Variants in DCC observed in about 807,000 individuals in gnomAD.
DCC encodes netrin receptor DCC.
In DCC, 58 loss-of-function variants were observed where a neutral mutation model predicts 172.5. The ratio of observed to expected loss-of-function variants is 0.34; its 90% CI spans 0.27 to 0.42. The LOEUF (loss-of-function observed/expected upper bound fraction) is 0.42. DCC is among the 10% of genes least tolerant of loss of function. The pLI, the probability that DCC is intolerant of heterozygous loss-of-function variation, is 1.00. For missense variants in DCC, 1,740 were observed against 1,791.0 expected, an observed-to-expected ratio of 0.97 and a Z score of 0.51; for synonymous variants, 709 against 644.5, an observed-to-expected ratio of 1.10 and a Z score of -1.52.
chr18:53,520,642 G>A (rs1208006110), intron 27 of DCC, among the ~76,000 whole-genome samples: 1 of 151,372 alleles, frequency 6.6e-6, no homozygotes, highest in Non-Finnish European at 1.5e-5. Flanking sequence ...GCACAAGCTT[G>A]AAATATTGAA....
intron 12 of DCC, among the ~76,000 whole-genome samples, chr18:53,251,975 T>G (rs1466742494): frequency 6.6e-6 from 1 of 151,932 alleles, no homozygotes; most frequent in African/African-American, 2.4e-5. Flanking sequence ...CCCACTGGGC[T>G]GGATCTAGAA....
chr18:53,084,944 G>A lies in DCC; in HGVS notation c.1261+18778G>A, dbSNP rs138491851. Reference sequence around the variant, plus strand: ...TAGTGATTTTTAAAATTATATCTAGGACTATCATTGCCAAGGGACTTTGTC... The same window carrying A: ...TAGTGATTTTTAAAATTATATCTAGAACTATCATTGCCAAGGGACTTTGTC... On this transcript the variant is annotated intron_variant, in intron 7 of 28. Transcript: ENST00000442544. Among the ~76,000 whole-genome samples the A allele has an allele frequency of 1.5e-3, 231 of 152,204 alleles. 1 individual carries two copies. The highest frequency in any genetic ancestry group is 5.3e-3 in the African/African-American group (221 of 41,530).
At chr18:52,966,150 C>A (rs1344189457) in intron 5 of DCC, among the ~76,000 whole-genome samples, 1 of 152,112 alleles carries the variant, frequency 6.6e-6, no homozygotes, top group Non-Finnish European at 1.5e-5. Flanking sequence ...TAACCTTTTT[C>A]CCTTGCTATT....
intron 12 of DCC, among the ~76,000 whole-genome samples, chr18:53,225,646 CAG>C (rs1273401180): frequency 6.6e-6 from 1 of 152,060 alleles, no homozygotes; most frequent in Non-Finnish European, 1.5e-5. Context: ...GATTTCAAAA[CAG>C]GGAAAAAGGT....
intron 1 of DCC, among the ~76,000 whole-genome samples, chr18:52,640,675 A>G (rs1449140605): frequency 6.6e-6 from 1 of 152,120 alleles, no homozygotes; most frequent in African/African-American, 2.4e-5. Flanking sequence ...AAAGACCTCT[A>G]CAAGGAAAAC....
intron 1 of DCC, among the ~76,000 whole-genome samples, chr18:52,598,849 T>C (rs909080302): frequency 5.9e-5 from 9 of 152,184 alleles, no homozygotes; most frequent in Admixed American, 2.6e-4. Flanking sequence ...AGGGCTGTTC[T>C]CTGCTTCCAA....
chr18:52,686,778 C>G (rs758394698), intron 1 of DCC, among the ~76,000 whole-genome samples: 44 of 152,106 alleles, frequency 2.9e-4, no homozygotes, highest in Admixed American at 1.2e-3. Context: ...GATAAATCAA[C>G]TAGTATCCAG....
intron 2 of DCC, among the ~76,000 whole-genome samples, chr18:52,791,788 G>C (rs1188724916): frequency 6.6e-6 from 1 of 152,102 alleles, no homozygotes; most frequent in Non-Finnish European, 1.5e-5. Flanking sequence ...TCGTGTTAAA[G>C]CATCTACCCT....
At chr18:52,646,692 T>C (rs12455214) in intron 1 of DCC, among the ~76,000 whole-genome samples, 19,045 of 152,224 alleles carry the variant, frequency 0.13, 1,401 homozygotes, top group Admixed American at 0.2. Context: ...AAGAGGTACA[T>C]AGGACAGGGT....
intron 22 of DCC, among the ~76,000 whole-genome samples, chr18:53,445,098 G>C (rs1383411504): frequency 2.0e-5 from 3 of 152,146 alleles, no homozygotes; most frequent in Admixed American, 1.3e-4. Flanking sequence ...CCAAGGAACT[G>C]TACCCCCATA....
At chr18:53,364,154 A>T (rs1363977703) in intron 15 of DCC, among the ~76,000 whole-genome samples, 3 of 152,144 alleles carry the variant, frequency 2.0e-5, no homozygotes, top group African/African-American at 7.2e-5. Flanking sequence ...TAAAAATTGT[A>T]ACCTAGTATC....
At chr18:53,243,870 T>C (rs778798050) in intron 12 of DCC, among the ~76,000 whole-genome samples, 3 of 152,198 alleles carry the variant, frequency 2.0e-5, no homozygotes, top group South Asian at 2.1e-4. Context: ...AAATATTTTA[T>C]AAACTCAACA....
rs142250394 is a variant in DCC, at chr18:53,447,670, A to G, written c.3230-2830A>G. ...GAATTGTTAAATTTAAGTCATGCTT[A>G]TAAAAATCTATGAGATCCCTAACTA... is the stretch of plus-strand genomic sequence containing the variant. On this transcript the variant is annotated intron_variant, in intron 22 of 28. Transcript: ENST00000442544. Among the ~76,000 whole-genome samples the G allele has an allele frequency of 9.6e-3, 1,460 of 152,330 alleles. 25 individuals carry two copies. The highest frequency in any genetic ancestry group is 0.027 in the Admixed American group (416 of 15,294).
chr18:52,449,866 C>T (rs1229678361), intron 1 of DCC, among the ~76,000 whole-genome samples: 1 of 152,166 alleles, frequency 6.6e-6, no homozygotes, highest in Non-Finnish European at 1.5e-5. Flanking sequence ...CATCCCTTTG[C>T]TCTTCCTTCA....
chr18:53,129,720 T>C (rs1337204295), intron 7 of DCC, among the ~76,000 whole-genome samples: 2 of 152,158 alleles, frequency 1.3e-5, no homozygotes, highest in African/African-American at 2.4e-5. Flanking sequence ...AATGTATTTA[T>C]CTACTATCTA....
intron 1 of DCC, among the ~76,000 whole-genome samples, chr18:52,542,276 A>C (rs2032483068): frequency 6.6e-6 from 1 of 152,106 alleles, no homozygotes; most frequent in Non-Finnish European, 1.5e-5. Flanking sequence ...GAAAAAAAAT[A>C]AATGAGTGTA....
intron 1 of DCC, among the ~76,000 whole-genome samples, chr18:52,457,542 G>A (rs900132916): frequency 6.6e-6 from 1 of 152,074 alleles, no homozygotes; most frequent in South Asian, 2.1e-4. Context: ...ATTCTGACCT[G>A]CTATATGGGG....
chr18:52,830,294 GT>G (rs148487365), intron 2 of DCC, among the ~76,000 whole-genome samples: 18,854 of 152,162 alleles, frequency 0.12, 1,242 homozygotes, highest in Middle Eastern at 0.18. Flanking sequence ...TTGCAATTTA[GT>G]TTTTTTAGCT....
intron 2 of DCC, among the ~76,000 whole-genome samples, chr18:52,902,891 T>C (rs901328572): frequency 6.6e-6 from 1 of 152,206 alleles, no homozygotes; most frequent in Non-Finnish European, 1.5e-5. Context: ...ATCAACTCTG[T>C]GAAATTTTCA....
Sources: allele counts gnomAD v4.1 joint callset (sites outside exome capture counted in the v4.1 genomes callset), GRCh38; gene constraint gnomAD v4.1.1; transcripts MANE v1.5; gene names NCBI Gene and HGNC (gene_info 2026-07-23, HGNC 2026-07-21).